The following MMP26 variants were observed in gnomAD, a reference collection of about 807,000 sequenced individuals.
MMP26 encodes matrix metalloproteinase-26.
Under a neutral mutation model 31.0 loss-of-function variants are expected in MMP26, and 33 were observed. That is an observed-to-expected ratio of 1.06 (90% CI 0.81 to 1.42). The LOEUF (loss-of-function observed/expected upper bound fraction) is 1.42. Among genes scored for constraint, MMP26 ranks in the 40% most tolerant of loss-of-function variants. The pLI, the probability that MMP26 is intolerant of heterozygous loss-of-function variation, is 0.00. For missense variants in MMP26, 347 were observed against 316.1 expected (o/e 1.10, Z -0.74); for synonymous variants, 122 against 114.9 (o/e 1.06, Z -0.40).
At chr11:4,848,162 G>T in intron 2 of MMP26, 1 of 1,449,086 alleles carries the variant, frequency 6.9e-7, no homozygotes, top group Non-Finnish European at 9.3e-7. Flanking sequence ...ATCATTTCAT[G>T]CTTGGTGAGC....
At chr11:4,945,301 G>C (rs557040943) in intron 2 of MMP26, 1 of 152,232 alleles carries the variant, frequency 6.6e-6, no homozygotes, top group South Asian at 2.1e-4. Context: ...TAACAAAAGA[G>C]ATCTGATGTG....
At chr11:4,718,940 C>G (rs759338483) in intron 1 of MMP26, 24 of 192,398 alleles carry the variant, frequency 1.2e-4, no homozygotes, top group Non-Finnish European at 1.8e-4. Flanking sequence ...CAACTCTTCA[C>G]TGTCATGGAA....
intron 2 of MMP26, among the ~76,000 whole-genome samples, chr11:4,962,008 G>T (rs1231416944): frequency 1.3e-5 from 2 of 151,750 alleles, no homozygotes; most frequent in Admixed American, 6.6e-5. Flanking sequence ...TTTTTCTGCT[G>T]CTTGGAGTGC....
chr11:4,922,161 T>A (rs1158535737), intron 2 of MMP26, among the ~76,000 whole-genome samples: 1 of 152,228 alleles, frequency 6.6e-6, no homozygotes, highest in Non-Finnish European at 1.5e-5. Context: ...GAAAAAATGA[T>A]CAACTTAATT....
At chr11:4,841,274 A>G (rs532724798) in intron 2 of MMP26, among the ~76,000 whole-genome samples, 1 of 152,332 alleles carries the variant, frequency 6.6e-6, no homozygotes, top group East Asian at 1.9e-4. Context: ...ATAACAGAGA[A>G]CATCCCAAAC....
chr11:4,784,650 C>A lies in MMP26; in HGVS notation c.-145+17309C>A, dbSNP rs75742902. 5.6e-3 allele frequency among the ~76,000 whole-genome samples: 855 copies of A among 152,266 alleles called. 9 individuals are homozygous for A. The highest frequency in any genetic ancestry group is 0.02 in the African/African-American group (813 of 41,556). ...GCAAGGAAACATTCTCTGCTAGATT[C>A]TTTGGAGAGTGTGTGGGCTCTTGAC... On this transcript the variant is annotated intron_variant, in intron 2 of 7. Transcript: ENST00000380390.
At chr11:4,851,639 C>T (rs1052160375) in intron 2 of MMP26, among the ~76,000 whole-genome samples, 3 of 151,478 alleles carry the variant, frequency 2.0e-5, no homozygotes, top group Non-Finnish European at 4.4e-5. Context: ...ATGTGTGTGT[C>T]TGTATATGTA....
chr11:4,923,965 G>A (rs756013017), intron 2 of MMP26: 38 of 1,613,976 alleles, frequency 2.4e-5, no homozygotes, highest in Middle Eastern at 1.6e-4. Flanking sequence ...AGACGGCCAC[G>A]TAGCGGTCAA....
chr11:4,755,997 G>A (rs370868838), intron 1 of MMP26, among the ~76,000 whole-genome samples: 3 of 152,014 alleles, frequency 2.0e-5, no homozygotes, highest in African/African-American at 7.2e-5. Context: ...ACATCACAAT[G>A]ACTCAGTTAT....
chr11:4,937,258 A>C (rs1021394215), intron 2 of MMP26: 5 of 152,178 alleles, frequency 3.3e-5, no homozygotes, highest in Non-Finnish European at 7.3e-5. Flanking sequence ...TATAAAATAC[A>C]AGACCACTCT....
chr11:4,726,457 C>A (rs182749456), intron 1 of MMP26, among the ~76,000 whole-genome samples: 1 of 149,926 alleles, frequency 6.7e-6, no homozygotes. Flanking sequence ...AGTGCAACTT[C>A]ATTAAAAAAA....
intron 2 of MMP26, chr11:4,914,748 C>T: frequency 6.2e-7 from 1 of 1,613,290 alleles, no homozygotes; most frequent in East Asian, 2.2e-5. Context: ...GTCACTCGAT[C>T]CCGGATCTGT....
chr11:4,961,155 A>C (rs1314952424), intron 2 of MMP26, among the ~76,000 whole-genome samples: 1 of 152,224 alleles, frequency 6.6e-6, no homozygotes, highest in Admixed American at 6.5e-5. Flanking sequence ...ATGTACCTAA[A>C]GGATATTTCT....
intron 2 of MMP26, among the ~76,000 whole-genome samples, chr11:4,790,783 TCTAGGTTA>T (rs1480165952): frequency 2.6e-5 from 4 of 152,184 alleles, no homozygotes; most frequent in African/African-American, 9.7e-5. Flanking sequence ...GATTCACTTT[TCTAGGTTA>T]ACCATGCCAA....
At chr11:4,759,380 CAATTT>C (rs1168152087) in intron 1 of MMP26, among the ~76,000 whole-genome samples, 1 of 152,066 alleles carries the variant, frequency 6.6e-6, no homozygotes, top group Non-Finnish European at 1.5e-5. Context: ...TTTCAATCAA[CAATTT>C]AATTTCTCTG....
At chr11:4,726,738 G>A (rs1164506789) in intron 1 of MMP26, among the ~76,000 whole-genome samples, 1 of 152,204 alleles carries the variant, frequency 6.6e-6, no homozygotes, top group Non-Finnish European at 1.5e-5. Flanking sequence ...CCAGGGTGGT[G>A]CTTCACGCTT....
chr11:4,921,703 A>G lies in MMP26; in HGVS notation c.-144-66365A>G, dbSNP rs377037070. On this transcript the variant is annotated intron_variant, in intron 2 of 7. Transcript: ENST00000380390. Reference sequence around the variant, plus strand: ...CGAGCCATTGTGTACCTTTGTATGTATTCATGATCATATGCACTTATTTAA... The same window carrying G: ...CGAGCCATTGTGTACCTTTGTATGTGTTCATGATCATATGCACTTATTTAA... 6.6e-5 allele frequency among the ~76,000 whole-genome samples: 10 copies of G among 152,204 alleles called. No individual in the cohort carries two copies. In the East Asian group the frequency reaches 1.7e-3, roughly 26 times the overall value.
chr11:4,955,772 G>A (rs117761997), intron 2 of MMP26: 19,931 of 1,487,260 alleles, frequency 0.013, 171 homozygotes, highest in Non-Finnish European at 0.016. Context: ...CAGGTGATCC[G>A]CTTGCTTGTG....
chr11:4,717,642 T>C (rs1847952683), intron 1 of MMP26, among the ~76,000 whole-genome samples: 1 of 143,950 alleles, frequency 6.9e-6, no homozygotes, highest in Non-Finnish European at 1.6e-5. Context: ...ATTTTTCTCT[T>C]TAATGATAAT....
Sources: gnomAD v4.1 joint callset for allele counts (sites outside exome capture counted in the v4.1 genomes callset) on GRCh38, gnomAD v4.1.1 for gene constraint, MANE v1.5 for transcripts, NCBI Gene and HGNC (gene_info 2026-07-23, HGNC 2026-07-21) for gene names.